KPNA1: variants seen among roughly 807,000 people sequenced by gnomAD.
KPNA1 encodes karyopherin subunit alpha 1.
Under a neutral mutation model 70.5 loss-of-function variants are expected in KPNA1, and 10 were observed. That is an observed-to-expected ratio of 0.14 (90% CI 0.09 to 0.24). The LOEUF is 0.24. Ranked by LOEUF, KPNA1 falls within the 10% of genes least tolerant of loss-of-function variation. The pLI is 1.00. For synonymous variants in KPNA1, 192 were observed against 221.9 expected, an observed-to-expected ratio of 0.87 and a Z score of 1.20; for missense variants, 397 against 637.9, an observed-to-expected ratio of 0.62 and a Z score of 4.07.
chr3:122,510,344 A>G (rs746799639), intron 1 of KPNA1, among the ~76,000 whole-genome samples: 5 of 152,212 alleles, frequency 3.3e-5, no homozygotes, highest in Admixed American at 6.5e-5. Context: ...GTCCCTGGAT[A>G]ACAACTATGA....
At position 122,475,438 on chromosome 3, in the gene KPNA1, A is replaced by G. The variant is rs531906288; in HGVS notation, c.130-8009T>C. ...ATGTTCATACTAACCAAAGCTATCT[A>G]CAGATTCAATGTAACTTCCATCAAA... On this transcript the variant is annotated intron_variant, in intron 2 of 13. Coordinates refer to ENST00000344337, the MANE Select transcript of KPNA1 (RefSeq NM_002264.4). Among the ~76,000 whole-genome samples, 4 of 152,360 alleles carry G rather than the reference A, an allele frequency of 2.6e-5. No homozygotes were observed. The South Asian group carries it at 8.3e-4, about 32-fold the overall frequency.
intron 10 of KPNA1, among the ~76,000 whole-genome samples, chr3:122,440,938 T>C (rs2076054403): frequency 6.6e-6 from 1 of 152,234 alleles, no homozygotes; most frequent in Admixed American, 6.5e-5. Context: ...ACATTACAGT[T>C]AGAAGACACC....
chr3:122,452,560 G>GGGAGGGAGGGAGGGAA (rs2076216201), intron 6 of KPNA1, among the ~76,000 whole-genome samples: 1 of 34,742 alleles, frequency 2.9e-5, no homozygotes, highest in African/African-American at 1.1e-4. Context: ...GAGGGAGGGA[G>GGGAGGGAGGGAGGGAA]GGAGGGAAGG....
intron 1 of KPNA1, among the ~76,000 whole-genome samples, chr3:122,500,518 TACTC>T (rs1470560692): frequency 2.0e-5 from 3 of 151,862 alleles, no homozygotes; most frequent in Admixed American, 6.6e-5. Flanking sequence ...TTCCCCCAGA[TACTC>T]TCTCTCTCTG....
rs973756717 is a variant in KPNA1 at position 122,444,811 on chromosome 3, C to A, written c.918-2695G>T. ...TCCAACAGACCTGCAGCTGAGGGAA[C>A]TGACTGTTAGAAGGAAAACGAATAA... is the stretch of plus-strand genomic sequence containing the variant. On this transcript the variant is annotated intron_variant, in intron 9 of 13. Transcript: ENST00000344337. Among the ~76,000 whole-genome samples the A allele has an allele frequency of 2.0e-5, 3 of 152,200 alleles. No individual in the cohort carries two copies. In the South Asian group the frequency reaches 6.2e-4, roughly 32 times the overall value.
chr3:122,427,262 C>T (rs1385926710), intron 13 of KPNA1, 90 bp from the exon 14 acceptor site: 1 of 954,338 alleles, frequency 1.0e-6, no homozygotes, highest in African/African-American at 1.7e-5. Context: ...TATATTTTGT[C>T]ATATATCTCT....
chr3:122,436,434 G>A (rs1422366505), intron 11 of KPNA1, among the ~76,000 whole-genome samples: 2 of 152,230 alleles, frequency 1.3e-5, no homozygotes, highest in African/African-American at 4.8e-5. Context: ...AAAACCTGCT[G>A]GTTTTGCAGC....
At chr3:122,462,706 GC>G (rs1037524990) in intron 4 of KPNA1, among the ~76,000 whole-genome samples, 48 of 152,174 alleles carry the variant, frequency 3.2e-4, no homozygotes, top group African/African-American at 1.1e-3. Context: ...TAAGCGGTCT[GC>G]AAAAGACAAT....
chr3:122,435,650 T>G (rs1451981258), intron 11 of KPNA1, among the ~76,000 whole-genome samples: 1 of 152,216 alleles, frequency 6.6e-6, no homozygotes, highest in East Asian at 1.9e-4. Flanking sequence ...TGGACATTTA[T>G]TAGTTCCCCC....
At chr3:122,458,085 C>T (rs2076283902) in intron 5 of KPNA1, among the ~76,000 whole-genome samples, 1 of 152,154 alleles carries the variant, frequency 6.6e-6, no homozygotes, top group Non-Finnish European at 1.5e-5. Flanking sequence ...AAATTTACAA[C>T]TTTTCAAGGA....
chr3:122,508,334 G>A (rs1014398941), intron 1 of KPNA1, among the ~76,000 whole-genome samples: 5 of 152,100 alleles, frequency 3.3e-5, no homozygotes, highest in African/African-American at 1.2e-4. Flanking sequence ...CCACAAACAG[G>A]ATGCTTCAGA....
rs776625797 is a variant in KPNA1 at position 122,437,253 on chromosome 3, G to A, written c.1039C>T (p.Leu347=). 1.2e-6 allele frequency: 2 copies of A among 1,613,526 alleles called. No individual in the cohort carries two copies. The highest frequency in any genetic ancestry group is 1.1e-5 in the South Asian group (1 of 91,008). The change falls in exon 11 of 14, where the codon CTG becomes TTG. Residue 347 remains leucine, a synonymous_variant. Transcript: ENST00000344337. ...TTGATAGATTCCTTTGGGCTACTCA[G>A]CAAATGCAATAAACTCTGCAGAGCT... ...CSALQSLLHL[L]SSPKESIKKE...
intron 1 of KPNA1, among the ~76,000 whole-genome samples, chr3:122,511,176 G>A (rs544554916): frequency 1.2e-4 from 19 of 152,206 alleles, no homozygotes; most frequent in African/African-American, 3.9e-4. Context: ...TACTTTCAGC[G>A]GGTCTTTCTG....
In KPNA1 at chr3:122,453,996, T is replaced by C; in HGVS notation, c.438A>G (p.Glu146=). 1 of 1,593,406 alleles carries C rather than the reference T, an allele frequency of 6.3e-7. No homozygotes were observed. The highest frequency in any genetic ancestry group is 8.6e-7 in the Non-Finnish European group (1 of 1,168,258). Reference sequence around the variant, plus strand: ...CAATATTTGTCAGTACCCAAGCTGATTCAAACTATAAAGATAAAAATAATT... The same window carrying C: ...CAATATTTGTCAGTACCCAAGCTGACTCAAACTATAAAGATAAAAATAATT... ...KRKENCTLQF[E]SAWVLTNIAS... The change falls in exon 6 of 14, where the codon GAA becomes GAG. Residue 146 remains glutamate, a synonymous_variant. Coordinates refer to ENST00000344337, the MANE Select transcript of KPNA1 (RefSeq NM_002264.4).
rs1027859813 is a variant in KPNA1, at chr3:122,490,338, T to C, written c.129+6099A>G. ...AGCTGAGATAATCACAGGATTTATCTCATTTGTTTCCCATCTTTAGAGATC... is the reference window on the plus strand; with the variant it reads ...AGCTGAGATAATCACAGGATTTATCCCATTTGTTTCCCATCTTTAGAGATC... On this transcript the variant is annotated intron_variant, in intron 2 of 13. Coordinates refer to ENST00000344337, the MANE Select transcript of KPNA1 (RefSeq NM_002264.4). 4.6e-5 allele frequency among the ~76,000 whole-genome samples: 7 copies of C among 152,244 alleles called. No homozygotes were observed. The East Asian group carries it at 1.3e-3, about 29-fold the overall frequency.
rs545624266 is a variant in KPNA1 at position 122,449,403 on chromosome 3, A to C, written c.917+171T>G. 2.8e-4 allele frequency among the ~76,000 whole-genome samples: 43 copies of C among 152,364 alleles called. 1 individual carries two copies. The South Asian group carries it at 7.0e-3, about 25-fold the overall frequency. On this transcript the variant is annotated intron_variant, in intron 9 of 13. Coordinates refer to ENST00000344337, the MANE Select transcript of KPNA1 (RefSeq NM_002264.4). ...GACTAAGAGGTTCTCTATAAGCCTC[A>C]ATAAAACAAGACAAACAGATCTGAC...
intron 8 of KPNA1, among the ~76,000 whole-genome samples, chr3:122,450,654 G>A (rs754619234): frequency 1.3e-5 from 2 of 152,114 alleles, no homozygotes; most frequent in Non-Finnish European, 2.9e-5. Flanking sequence ...CACTGTTGCT[G>A]GGAATGTAAA....
rs763833385 is a variant in KPNA1 at position 122,423,306 on chromosome 3, A to AT, written c.*3678dup. 1 of 152,200 alleles carries AT rather than the reference A, an allele frequency of 6.6e-6. No individual in the cohort carries two copies. Among genetic ancestry groups the AT allele is most frequent in the Non-Finnish European group, 1.5e-5 (1 of 68,038 alleles). The allele number at this position is 152,200 out of a possible 1,614,324, so 9.4% of individuals were successfully genotyped here. The stretch of plus-strand genomic sequence containing the variant: ...GAGAGAAATGGTCATATTGAGATGG[A>AT]TAAAAATTCAGATTTGAGACTTCCA... On this transcript the variant is annotated 3_prime_UTR_variant, in exon 14 of 14. Transcript: ENST00000344337.
intron 5 of KPNA1, chr3:122,459,515 G>T: frequency 3.0e-6 from 3 of 985,406 alleles, no homozygotes; most frequent in Non-Finnish European, 3.6e-6. Context: ...TTCTCGGCAG[G>T]TTGCTTAGGG....
Sources: allele counts gnomAD v4.1 joint callset (sites outside exome capture counted in the v4.1 genomes callset), GRCh38; gene constraint gnomAD v4.1.1; transcripts MANE v1.5; gene names NCBI Gene and HGNC (gene_info 2026-07-23, HGNC 2026-07-21).